The following TRAPPC13 variants were observed in gnomAD, a reference collection of about 807,000 sequenced individuals.
TRAPPC13 encodes REV7-interacting novel NHEJ regulator 1.
Under a neutral mutation model 54.0 loss-of-function variants are expected in TRAPPC13, and 39 were observed. The observed-to-expected ratio is 0.72, with a 90% CI of 0.56 to 0.94. The LOEUF (loss-of-function observed/expected upper bound fraction) is 0.94, where lower values mean the gene tolerates loss of function less well. TRAPPC13 is among the 40% of genes least tolerant of loss of function. TRAPPC13 has a pLI of 0.00. For missense variants in TRAPPC13, 386 were observed against 488.1 expected, an observed-to-expected ratio of 0.79 and a Z score of 1.97; for synonymous variants, 148 against 167.7, an observed-to-expected ratio of 0.88 and a Z score of 0.91.
chr5:65,644,212 G>T (rs549127695), intron 4 of TRAPPC13, among the ~76,000 whole-genome samples: 1 of 152,216 alleles, frequency 6.6e-6, no homozygotes, highest in Admixed American at 6.5e-5. Context: ...GTCTTTGGGT[G>T]TGATTTCCCT....
chr5:65,660,353 G>GAA (rs1234228287), intron 9 of TRAPPC13, among the ~76,000 whole-genome samples: 1 of 151,080 alleles, frequency 6.6e-6, no homozygotes, highest in African/African-American at 2.4e-5. Flanking sequence ...CCAGAAGTTA[G>GAA]AAGTTACAGT....
intron 4 of TRAPPC13, among the ~76,000 whole-genome samples, chr5:65,640,215 T>C (rs1323811665): frequency 3.3e-5 from 5 of 152,228 alleles, no homozygotes; most frequent in Admixed American, 6.5e-5. Flanking sequence ...TTGAAAAGAA[T>C]ATTTTGTGAC....
At chr5:65,626,774 A>G (rs1755254659) in intron 1 of TRAPPC13, among the ~76,000 whole-genome samples, 2 of 152,058 alleles carry the variant, frequency 1.3e-5, no homozygotes, top group East Asian at 3.9e-4. Flanking sequence ...CCAGTGATAC[A>G]GAGACTGCCA....
intron 3 of TRAPPC13, among the ~76,000 whole-genome samples, chr5:65,636,880 G>C (rs927770560): frequency 3.9e-5 from 6 of 152,170 alleles, no homozygotes; most frequent in African/African-American, 1.4e-4. Flanking sequence ...TGTGGTCATT[G>C]ACTAGTGTCT....
At chr5:65,640,288 A>G (rs951311902) in intron 4 of TRAPPC13, among the ~76,000 whole-genome samples, 2 of 152,236 alleles carry the variant, frequency 1.3e-5, no homozygotes, top group African/African-American at 4.8e-5. Flanking sequence ...CTATAATCCC[A>G]GTGCTTTGGG....
At chr5:65,648,227 G>C (rs1756285123) in intron 5 of TRAPPC13, among the ~76,000 whole-genome samples, 1 of 152,074 alleles carries the variant, frequency 6.6e-6, no homozygotes, top group Non-Finnish European at 1.5e-5. Flanking sequence ...AATACCTATG[G>C]CATTTTATTT....
rs1756246458 is a variant in TRAPPC13 at position 65,647,147 on chromosome 5, C to T, written c.393C>T (p.Val131=). The change falls in exon 5 of 13, where the codon GTC becomes GTT. Residue 131 remains valine (V), a synonymous_variant. Transcript: ENST00000399438. Reference sequence around the variant, plus strand: ...AACCGGATTGTTGTATTGATGATGTCATACATCATGAAGTCAAAGAAATTG... The same window carrying T: ...AACCGGATTGTTGTATTGATGATGTTATACATCATGAAGTCAAAGAAATTG... ...ELKPDCCIDD[V]IHHEVKEIGT... 1.3e-6 allele frequency: 2 copies of T among 1,581,102 alleles called. No individual in the cohort carries two copies. The highest frequency in any genetic ancestry group is 2.7e-5 in the African/African-American group (2 of 74,308).
intron 5 of TRAPPC13, 63 bp from the exon 6 acceptor site, chr5:65,650,747 G>A: frequency 1.5e-6 from 2 of 1,311,232 alleles, no homozygotes; most frequent in South Asian, 1.2e-5. Context: ...GAATTGAGGT[G>A]TGTTTGATTT....
chr5:65,659,717 C>T (rs1756778635), intron 9 of TRAPPC13, among the ~76,000 whole-genome samples: 1 of 152,092 alleles, frequency 6.6e-6, no homozygotes, highest in Non-Finnish European at 1.5e-5. Context: ...GGTGTGGTGG[C>T]TCATGCCTGT....
chr5:65,635,663 T>C (rs1755718606), intron 2 of TRAPPC13, among the ~76,000 whole-genome samples: 1 of 152,234 alleles, frequency 6.6e-6, no homozygotes, highest in African/African-American at 2.4e-5. Context: ...TCAATGTATG[T>C]ATTAGCATTC....
intron 4 of TRAPPC13, among the ~76,000 whole-genome samples, chr5:65,645,586 C>T (rs542802463): frequency 2.8e-4 from 43 of 152,180 alleles, no homozygotes; most frequent in Middle Eastern, 3.4e-3. Flanking sequence ...GGGCGGATCA[C>T]GAGGTCAGGA....
chr5:65,645,894 A>G (rs1358484761), intron 4 of TRAPPC13, among the ~76,000 whole-genome samples: 8 of 151,962 alleles, frequency 5.3e-5, no homozygotes, highest in Non-Finnish European at 2.9e-5. Flanking sequence ...ACTAATTCCC[A>G]TGACCTAATG....
chr5:65,656,373 G>T (rs941681604), intron 8 of TRAPPC13, among the ~76,000 whole-genome samples: 1 of 142,148 alleles, frequency 7.0e-6, no homozygotes, highest in Non-Finnish European at 1.6e-5. Context: ...ATGTGGGTCT[G>T]TGGTTATTTT....
chr5:65,625,506 C>T (rs146165388), intron 1 of TRAPPC13: 22 of 209,346 alleles, frequency 1.1e-4, no homozygotes, highest in Non-Finnish European at 1.9e-4. Flanking sequence ...ATTAGTATTG[C>T]ATGACAGTAG....
rs1403042778 is a variant in TRAPPC13 at position 65,666,151 on chromosome 5, TG to T, written c.*1541del. ...TAGCCACTGCATTGGATACTTGGAT[TG>T]TTTTTCAAGCATCTTCTTATGACTA... On this transcript the variant is annotated 3_prime_UTR_variant, in exon 13 of 13. Transcript: ENST00000399438. The T allele has an allele frequency of 6.6e-6, 1 of 152,614 alleles. No homozygotes were observed. Among genetic ancestry groups the T allele is most frequent in the African/African-American group, 2.4e-5 (1 of 41,480 alleles). The allele number at this position is 152,614 out of a possible 1,614,324, so 9.5% of individuals were successfully genotyped here.
At chr5:65,632,272 A>G (rs979677271) in intron 1 of TRAPPC13, among the ~76,000 whole-genome samples, 4 of 152,286 alleles carry the variant, frequency 2.6e-5, no homozygotes, top group African/African-American at 9.6e-5. Flanking sequence ...TAGTGATTTT[A>G]GCTGTTTAAA....
At chr5:65,626,960 C>T (rs1972059) in intron 1 of TRAPPC13, among the ~76,000 whole-genome samples, 7,821 of 151,070 alleles carry the variant, frequency 0.052, 587 homozygotes, top group African/African-American at 0.17. Flanking sequence ...GCCAACATGG[C>T]GAAAACCCGT....
At chr5:65,641,426 T>C (rs1389370320) in intron 4 of TRAPPC13, among the ~76,000 whole-genome samples, 3 of 152,170 alleles carry the variant, frequency 2.0e-5, no homozygotes, top group Non-Finnish European at 4.4e-5. Context: ...TGCATCAGGC[T>C]AGACTCAGTG....
intron 5 of TRAPPC13, among the ~76,000 whole-genome samples, chr5:65,648,307 T>C (rs1372922142): frequency 6.6e-6 from 1 of 152,256 alleles, no homozygotes; most frequent in Admixed American, 6.5e-5. Context: ...CCTAACCTGC[T>C]AGACTAGATT....
Sources: allele counts gnomAD v4.1 joint callset (sites outside exome capture counted in the v4.1 genomes callset), GRCh38; gene constraint gnomAD v4.1.1; transcripts MANE v1.5; gene names NCBI Gene and HGNC (gene_info 2026-07-23, HGNC 2026-07-21).